Variants in CNTN3 observed in about 807,000 individuals in gnomAD.
CNTN3 encodes the protein contactin-3.
CNTN3 carries 60 observed loss-of-function variants against 119.1 expected under a neutral mutation model. The ratio of observed to expected loss-of-function variants is 0.50; its 90% CI spans 0.41 to 0.62. The LOEUF (loss-of-function observed/expected upper bound fraction) is 0.62. CNTN3 is among the 20% of genes least tolerant of loss of function. CNTN3 has a pLI of 0.00. For missense variants in CNTN3, 1,101 were observed against 1,242.4 expected (o/e 0.89, Z 1.71); for synonymous variants, 450 against 438.7 (o/e 1.03, Z -0.32).
At chr3:74,411,035 C>A (rs1177317427) in intron 5 of CNTN3, among the ~76,000 whole-genome samples, 1 of 151,924 alleles carries the variant, frequency 6.6e-6, no homozygotes, top group Non-Finnish European at 1.5e-5. Context: ...TCCTTTCCTC[C>A]CTCCCTCCCT....
chr3:74,464,057 G>C (rs1702418373), intron 4 of CNTN3, among the ~76,000 whole-genome samples: 1 of 152,060 alleles, frequency 6.6e-6, no homozygotes, highest in African/African-American at 2.4e-5. Flanking sequence ...TTTTTCAACA[G>C]AGTCAAAAAT....
intron 2 of CNTN3, among the ~76,000 whole-genome samples, chr3:74,502,917 G>A (rs1023876343): frequency 1.3e-5 from 2 of 152,100 alleles, no homozygotes; most frequent in African/African-American, 4.8e-5. Context: ...ATTCATTGCT[G>A]TATACTCAGC....
chr3:74,336,136 C>G (rs995597991), intron 12 of CNTN3, among the ~76,000 whole-genome samples: 1 of 152,008 alleles, frequency 6.6e-6, no homozygotes, highest in Non-Finnish European at 1.5e-5. Context: ...ATATCCACAA[C>G]TTTAAGCAAT....
At position 74,267,356 on chromosome 3, in the gene CNTN3, A is replaced by G. The variant is rs774489972; in HGVS notation, c.2727T>C (p.Asn909=). 5 of 1,612,924 alleles carry G rather than the reference A, an allele frequency of 3.1e-6. No homozygotes were observed. In the South Asian group the frequency reaches 5.5e-5, roughly 18 times the overall value. Residue 909 remains asparagine (N), a synonymous_variant, in exon 21 of 23, where the codon AAT becomes AAC. Transcript: ENST00000263665. ...KKTPPSQPPG[N]VVWNATDTKV... ...TAGTGTCTGTGGCATTCCAAACAAC[A>G]TTTCCTGGTGGCTGACTGGGAGCTT...
intron 3 of CNTN3, among the ~76,000 whole-genome samples, chr3:74,492,220 C>G (rs1230946115): frequency 1.3e-5 from 2 of 152,116 alleles, no homozygotes; most frequent in Non-Finnish European, 2.9e-5. Flanking sequence ...TTTCACAAAT[C>G]TAGTAATTCT....
intron 11 of CNTN3, among the ~76,000 whole-genome samples, chr3:74,336,940 T>C (rs1323779166): frequency 6.6e-6 from 1 of 152,158 alleles, no homozygotes; most frequent in East Asian, 1.9e-4. Flanking sequence ...GTTGAGAGGA[T>C]GCACTTATCA....
chr3:74,614,162 T>C (rs184456645), intron 1 of CNTN3, among the ~76,000 whole-genome samples: 284 of 152,314 alleles, frequency 1.9e-3, no homozygotes, highest in Non-Finnish European at 3.0e-3. Flanking sequence ...CAGCTGGGGA[T>C]GCAGCCTTCC....
chr3:74,502,160 T>A (rs13066391), intron 2 of CNTN3, among the ~76,000 whole-genome samples: 130,105 of 151,862 alleles, frequency 0.86, 56,541 homozygotes, highest in Non-Finnish European at 0.94. Context: ...ATTCTGATGT[T>A]TGTACAGCTT....
chr3:74,399,614 G>T (rs900730258), intron 5 of CNTN3, among the ~76,000 whole-genome samples: 1 of 152,114 alleles, frequency 6.6e-6, no homozygotes, highest in Non-Finnish European at 1.5e-5. Context: ...GCATGCATGT[G>T]TCTTTATAAC....
In CNTN3 at chr3:74,302,384, C is replaced by T. The variant is rs377390986; in HGVS notation, c.1786+306G>A. Among the ~76,000 whole-genome samples, 6 of 152,170 alleles carry T rather than the reference C, an allele frequency of 3.9e-5. No homozygotes were observed. In the East Asian group the frequency reaches 5.8e-4, roughly 15 times the overall value. On this transcript the variant is annotated intron_variant, in intron 14 of 22. Transcript: ENST00000263665. ...ATCCTGATTATTTTGGAAGCAAACA[C>T]ACTGCACAATATTCTCTCTCAAATT...
chr3:74,533,035 T>C (rs1703715149), intron 1 of CNTN3, among the ~76,000 whole-genome samples: 1 of 151,984 alleles, frequency 6.6e-6, no homozygotes, highest in Non-Finnish European at 1.5e-5. Flanking sequence ...GGCTCTGGGA[T>C]GGAGGCATTT....
chr3:74,292,044 A>G (rs1000355076), intron 19 of CNTN3, among the ~76,000 whole-genome samples: 2 of 152,170 alleles, frequency 1.3e-5, no homozygotes, highest in African/African-American at 4.8e-5. Flanking sequence ...TGACCCTCCA[A>G]GAAACACGGA....
At chr3:74,417,274 T>C (rs952462618) in intron 5 of CNTN3, among the ~76,000 whole-genome samples, 1 of 152,174 alleles carries the variant, frequency 6.6e-6, no homozygotes, top group Non-Finnish European at 1.5e-5. Flanking sequence ...ATCTTCCTAT[T>C]TCCTGCAAAC....
At chr3:74,556,714 G>A (rs1419232639) in intron 1 of CNTN3, among the ~76,000 whole-genome samples, 3 of 152,170 alleles carry the variant, frequency 2.0e-5, no homozygotes, top group Non-Finnish European at 4.4e-5. Flanking sequence ...GGAACTGCCA[G>A]ACTGTTTTCC....
At chr3:74,574,520 C>T (rs1704383466) in intron 1 of CNTN3, among the ~76,000 whole-genome samples, 1 of 152,264 alleles carries the variant, frequency 6.6e-6, no homozygotes, top group Middle Eastern at 3.4e-3. Flanking sequence ...AATTAAACCA[C>T]GTTTAGGTTT....
chr3:74,304,583 T>A (rs1442494238), intron 13 of CNTN3, among the ~76,000 whole-genome samples: 1 of 152,182 alleles, frequency 6.6e-6, no homozygotes, highest in Non-Finnish European at 1.5e-5. Flanking sequence ...TCCTCACATA[T>A]CTGGATACAC....
At position 74,334,745 on chromosome 3, in the gene CNTN3, T is replaced by A; in HGVS notation, c.1658A>T (p.Lys553Ile). Residue 553 changes from lysine (K) to isoleucine (I), a missense_variant, in exon 13 of 23, where the codon AAA becomes ATA. Lys to Ile is a moderately radical substitution (Grantham distance 102). Transcript: ENST00000263665. ...AGTGCCACAACTTACCCCACCAACT[T>A]TCTCAAAGTGAGATCCATCTTTCTT... ...DFKKDGSHFE[K>I]VGGSSSGDLM... The A allele has an allele frequency of 6.2e-7, 1 of 1,613,082 alleles. No homozygotes were observed. The highest frequency in any genetic ancestry group is 8.5e-7 in the Non-Finnish European group (1 of 1,179,438).
chr3:74,394,499 C>A (rs1398615152), intron 5 of CNTN3, among the ~76,000 whole-genome samples: 1 of 152,074 alleles, frequency 6.6e-6, no homozygotes, highest in Non-Finnish European at 1.5e-5. Context: ...CATCCAATCT[C>A]AATTTGTCTC....
intron 4 of CNTN3, among the ~76,000 whole-genome samples, chr3:74,441,274 T>C (rs1274809808): frequency 1.3e-5 from 2 of 152,060 alleles, no homozygotes; most frequent in South Asian, 2.1e-4. Flanking sequence ...CAAAATACAC[T>C]AAAGCATAAT....
Sources: gnomAD v4.1 joint callset for allele counts (sites outside exome capture counted in the v4.1 genomes callset) on GRCh38, gnomAD v4.1.1 for gene constraint, MANE v1.5 for transcripts, NCBI Gene and HGNC (gene_info 2026-07-23, HGNC 2026-07-21) for gene names.